The following MREG variants were observed in gnomAD, a reference collection of about 807,000 sequenced individuals.
MREG encodes melanoregulin.
MREG carries 31 observed loss-of-function variants against 28.5 expected under a neutral mutation model. The ratio of observed to expected loss-of-function variants is 1.09; its 90% confidence interval spans 0.82 to 1.47. The LOEUF (loss-of-function observed/expected upper bound fraction) is 1.47. Ranked by LOEUF, MREG falls within the 40% of genes most tolerant of loss-of-function variation. The probability of loss-of-function intolerance (pLI) is 0.00; values close to 1 mark genes in which losing one functional copy is unlikely to be tolerated. For synonymous variants in MREG, 106 were observed against 95.2 expected, an observed-to-expected ratio of 1.11 and a Z score of -0.66; for missense variants, 256 against 257.4, an observed-to-expected ratio of 0.99 and a Z score of 0.04.
intron 2 of MREG, among the ~76,000 whole-genome samples, chr2:215,982,963 T>C (rs1693470131): frequency 6.6e-6 from 1 of 152,206 alleles, no homozygotes; most frequent in African/African-American, 2.4e-5. Flanking sequence ...GCAAGAACCC[T>C]TGATTCTCAG....
At chr2:215,974,465 G>A (rs889051721) in intron 2 of MREG, among the ~76,000 whole-genome samples, 1 of 152,112 alleles carries the variant, frequency 6.6e-6, no homozygotes, top group African/African-American at 2.4e-5. Flanking sequence ...CTGAGCCCAA[G>A]CATGTCAGGA....
At chr2:216,010,305 C>G (rs2106032961) in intron 1 of MREG, among the ~76,000 whole-genome samples, 1 of 150,756 alleles carries the variant, frequency 6.6e-6, no homozygotes, top group Admixed American at 6.6e-5. Flanking sequence ...CCTGCGGAAA[C>G]CTTGATTTCA....
At chr2:216,027,868 T>C (rs1694619891) in intron 1 of MREG, among the ~76,000 whole-genome samples, 1 of 152,222 alleles carries the variant, frequency 6.6e-6, no homozygotes, top group African/African-American at 2.4e-5. Context: ...AGTTGCATTG[T>C]TTTTCTGAAA....
rs571432610 is a variant in MREG at position 216,013,401 on chromosome 2, C to T, written c.-74G>A. On this transcript the variant is annotated 5_prime_UTR_variant, in exon 1 of 5. Transcript: ENST00000263268. ...GCGGCGAGCGATCGAGGCTGGGGCG[C>T]GGCCACCGCGCCAGCGTCCAGGTGC... 10 of 1,111,758 alleles carry T rather than the reference C, an allele frequency of 9.0e-6. No individual in the cohort carries two copies. In the South Asian group the frequency reaches 9.6e-5, roughly 11 times the overall value. 68.9% of individuals were successfully genotyped at this position (1,111,758 alleles called of 1,614,324 possible). A position where few individuals can be genotyped will look rare whatever the true frequency, so the allele number is the denominator to read the frequency against.
chr2:215,969,813 G>A (rs1056483711), intron 2 of MREG, among the ~76,000 whole-genome samples: 1 of 152,096 alleles, frequency 6.6e-6, no homozygotes, highest in African/African-American at 2.4e-5. Context: ...ATGGAGGGGT[G>A]GGGGGCAGTT....
At chr2:216,016,035 C>T (rs1694444853), upstream of MREG, among the ~76,000 whole-genome samples, 1 of 152,154 alleles carries the variant, frequency 6.6e-6, no homozygotes, top group South Asian at 2.1e-4. Flanking sequence ...TTATCAAGTA[C>T]ATAATTCATT....
intron 1 of MREG, among the ~76,000 whole-genome samples, chr2:216,030,954 T>A (rs56972558): frequency 0.35 from 37,943 of 107,798 alleles, 5,493 homozygotes; most frequent in Non-Finnish European, 0.41. Context: ...TCTCTCTCTC[T>A]CTCACACACA....
chr2:215,942,738 G>T lies in MREG; in HGVS notation c.*2125C>A, dbSNP rs1477634122. The T allele has an allele frequency of 1.3e-5, 2 of 152,480 alleles. No individual in the cohort carries two copies. The highest frequency in any genetic ancestry group is 3.8e-4 in the East Asian group (2 of 5,200). 9.4% of individuals were successfully genotyped at this position (152,480 alleles called of 1,614,324 possible). ...AGATGCACACAATCTCATCTATTTT[G>T]ACATAAAAAAGGCAGAAAGGCAAAA... On this transcript the variant is annotated 3_prime_UTR_variant, in exon 5 of 5. Transcript: ENST00000263268.
intron 1 of MREG, among the ~76,000 whole-genome samples, chr2:216,003,247 A>G (rs1694064537): frequency 6.6e-6 from 1 of 152,086 alleles, no homozygotes; most frequent in South Asian, 2.1e-4. Context: ...AGTGTGAAGG[A>G]AGAAAAGCCC....
At chr2:215,963,127 C>CAAAAGA (rs1160338090) in intron 2 of MREG, among the ~76,000 whole-genome samples, 4 of 151,664 alleles carry the variant, frequency 2.6e-5, no homozygotes, top group African/African-American at 4.8e-5. Context: ...GACCCTGTCT[C>CAAAAGA]AAAAGAAAAA....
intron 2 of MREG, among the ~76,000 whole-genome samples, chr2:215,973,306 GCAGTCA>G: frequency 6.6e-6 from 1 of 152,306 alleles, no homozygotes; most frequent in East Asian, 1.9e-4. Context: ...AGCATGTACT[GCAGTCA>G]CTCCCCATTG....
At chr2:215,966,647 G>A (rs1692948344) in intron 2 of MREG, among the ~76,000 whole-genome samples, 1 of 148,540 alleles carries the variant, frequency 6.7e-6, no homozygotes, top group Non-Finnish European at 1.5e-5. Context: ...TGTCATCCTG[G>A]CTGGAGTGCA....
chr2:215,986,252 G>T (rs1035522134), intron 2 of MREG, among the ~76,000 whole-genome samples: 2 of 152,136 alleles, frequency 1.3e-5, no homozygotes, highest in African/African-American at 4.8e-5. Context: ...CATTTTATAT[G>T]AAAATCTGGA....
chr2:215,995,507 C>CCCG (rs1264924016), intron 2 of MREG, among the ~76,000 whole-genome samples: 4 of 135,992 alleles, frequency 2.9e-5, no homozygotes, highest in African/African-American at 1.4e-4. Flanking sequence ...TCCACCCACC[C>CCCG]CACCCCCCGC....
intron 1 of MREG, among the ~76,000 whole-genome samples, chr2:216,025,565 A>G (rs1694583464): frequency 6.6e-6 from 1 of 152,280 alleles, no homozygotes; most frequent in South Asian, 2.1e-4. Flanking sequence ...GAAAATTCAG[A>G]GCTGCTCTGA....
At chr2:216,004,575 A>C (rs978756571) in intron 1 of MREG, among the ~76,000 whole-genome samples, 18 of 152,108 alleles carry the variant, frequency 1.2e-4, no homozygotes, top group African/African-American at 3.6e-4. Context: ...AAAAAAAAAA[A>C]ACCTGTGCCT....
chr2:215,960,065 C>T (rs1250058291), intron 2 of MREG, among the ~76,000 whole-genome samples: 3 of 151,960 alleles, frequency 2.0e-5, no homozygotes, highest in Admixed American at 2.0e-4. Context: ...ATGCTGTTCT[C>T]CTGCCTCAGC....
At chr2:215,977,551 C>T (rs1005907885) in intron 2 of MREG, among the ~76,000 whole-genome samples, 1 of 152,226 alleles carries the variant, frequency 6.6e-6, no homozygotes, top group African/African-American at 2.4e-5. Context: ...CTACAGAACT[C>T]TCCACCCCAA....
At position 216,031,947 on chromosome 2, in the gene MREG, A is replaced by G. The variant is rs560681187; in HGVS notation, c.-68+842T>C. ...TCCGTATTTTTGTATTTCTTAAATC[A>G]TCAAGGATTTTTAAAAGGCTTCAGT... is the stretch of plus-strand genomic sequence containing the variant. On this transcript the variant is annotated intron_variant, in intron 1 of 3. Coordinates refer to the MREG transcript ENST00000420348. Among the ~76,000 whole-genome samples the G allele has an allele frequency of 7.2e-5, 11 of 152,378 alleles. No individual in the cohort carries two copies. The South Asian group carries it at 2.3e-3, about 32-fold the overall frequency.
Sources: allele counts gnomAD v4.1 joint callset (sites outside exome capture counted in the v4.1 genomes callset), GRCh38; gene constraint gnomAD v4.1.1; transcripts MANE v1.5; gene names NCBI Gene and HGNC (gene_info 2026-07-23, HGNC 2026-07-21).